The following CWC27 variants were observed in gnomAD, a reference collection of about 807,000 sequenced individuals.
The protein encoded by CWC27 is CWC27 spliceosome associated cyclophilin, also known as spliceosome-associated protein CWC27 homolog.
Under a neutral mutation model 63.6 loss-of-function variants are expected in CWC27, and 47 were observed. The observed-to-expected ratio is 0.74, with a 90% CI of 0.58 to 0.94. CWC27 has a LOEUF of 0.94. Among genes scored for constraint, CWC27 ranks in the 40% least tolerant of loss-of-function variants. The pLI, the probability that CWC27 is intolerant of heterozygous loss-of-function variation, is 0.00. For missense variants in CWC27, 495 were observed against 554.3 expected (o/e 0.89, Z 1.07); for synonymous variants, 175 against 179.8 (o/e 0.97, Z 0.22).
At chr5:65,001,180 C>A (rs1029504844) in intron 13 of CWC27, among the ~76,000 whole-genome samples, 1 of 151,972 alleles carries the variant, frequency 6.6e-6, no homozygotes, top group East Asian at 1.9e-4. Flanking sequence ...TTTTGTCCTG[C>A]AATTTTACTC....
chr5:64,963,542 A>G (rs1748957889), intron 11 of CWC27, among the ~76,000 whole-genome samples: 1 of 152,222 alleles, frequency 6.6e-6, no homozygotes, highest in Non-Finnish European at 1.5e-5. Flanking sequence ...CATACTGTAA[A>G]TAGAAGTACT....
intron 10 of CWC27, among the ~76,000 whole-genome samples, chr5:64,828,735 C>T (rs1326650120): frequency 2.6e-5 from 4 of 152,000 alleles, no homozygotes; most frequent in African/African-American, 9.7e-5. Context: ...TTATTGACAA[C>T]CTAGGTCATC....
intron 10 of CWC27, among the ~76,000 whole-genome samples, chr5:64,836,270 A>G (rs1360273449): frequency 6.6e-6 from 1 of 151,886 alleles, no homozygotes; most frequent in African/African-American, 2.4e-5. Flanking sequence ...GAGGTAACCT[A>G]ATGTTCATTT....
At chr5:64,954,936 T>C (rs1372877372) in intron 11 of CWC27, among the ~76,000 whole-genome samples, 1 of 152,024 alleles carries the variant, frequency 6.6e-6, no homozygotes, top group Non-Finnish European at 1.5e-5. Context: ...AACATCCAAA[T>C]TTATAGAAAA....
intron 11 of CWC27, among the ~76,000 whole-genome samples, chr5:64,937,770 G>A (rs757371681): frequency 6.6e-6 from 1 of 151,960 alleles, no homozygotes; most frequent in Non-Finnish European, 1.5e-5. Flanking sequence ...TACAAATCTG[G>A]GTGCTCCTGT....
In CWC27 at chr5:65,018,149, C is replaced by T; in HGVS notation, c.1257-10C>T. 1 of 1,579,458 alleles carries T rather than the reference C, an allele frequency of 6.3e-7. No individual in the cohort carries two copies. Among genetic ancestry groups the T allele is most frequent in the Non-Finnish European group, 8.6e-7 (1 of 1,168,858 alleles). ...CAAGAAATCACTGAACCATCTCTCT[C>T]CCTATTTAGGATGTCACATGTACTT... On this transcript the variant is annotated splice_polypyrimidine_tract_variant and intron_variant, in intron 13 of 13. Coordinates refer to ENST00000381070, the MANE Select transcript of CWC27 (RefSeq NM_005869.4).
In CWC27 at chr5:64,813,079, A is replaced by G. The variant is rs188995741; in HGVS notation, c.938+8693A>G. Among the ~76,000 whole-genome samples the G allele has an allele frequency of 4.1e-3, 629 of 152,274 alleles. 21 individuals are homozygous for G. Among genetic ancestry groups the G allele is most frequent in the Admixed American group, 0.039 (591 of 15,266 alleles). On this transcript the variant is annotated intron_variant, in intron 10 of 13. Coordinates refer to ENST00000381070, the MANE Select transcript of CWC27 (RefSeq NM_005869.4). ...TATTTAAAAGGAATAACACTTTAAC[A>G]TTATATTCAATTATTTAAATAATGT...
intron 11 of CWC27, among the ~76,000 whole-genome samples, chr5:64,927,008 G>A (rs191619411): frequency 1.6e-4 from 25 of 152,304 alleles, no homozygotes; most frequent in East Asian, 1.2e-3. Flanking sequence ...TTAATAGAAT[G>A]TGTATATATC....
At chr5:64,983,923 C>T (rs1039536775) in intron 13 of CWC27, among the ~76,000 whole-genome samples, 1 of 152,128 alleles carries the variant, frequency 6.6e-6, no homozygotes, top group African/African-American at 2.4e-5. Flanking sequence ...CTGTGCCTCC[C>T]CAGGTTCAAG....
chr5:64,965,440 A>G (rs1469683420), intron 11 of CWC27, among the ~76,000 whole-genome samples: 2 of 152,230 alleles, frequency 1.3e-5, no homozygotes, highest in Admixed American at 6.5e-5. Flanking sequence ...CAATTGAGGC[A>G]TAGACAACAT....
At chr5:64,990,906 T>A (rs552706971) in intron 13 of CWC27, among the ~76,000 whole-genome samples, 72 of 152,356 alleles carry the variant, frequency 4.7e-4, no homozygotes, top group African/African-American at 1.7e-3. Flanking sequence ...ATAGGTCAGA[T>A]TAACTCAGTT....
chr5:64,827,948 T>TTATCTTTA (rs1214173744), intron 10 of CWC27, among the ~76,000 whole-genome samples: 12 of 152,140 alleles, frequency 7.9e-5, no homozygotes, highest in African/African-American at 2.9e-4. Context: ...TATCCATGCT[T>TTATCTTTA]TATATGCTAG....
At chr5:64,804,554 C>G in intron 10 of CWC27, 168 bp downstream of exon 10, 3 of 577,176 alleles carry the variant, frequency 5.2e-6, no homozygotes, top group Non-Finnish European at 8.8e-6. Context: ...ATAAAATACA[C>G]CAAGCTTAAA....
chr5:65,018,031 A>G (rs753631391), intron 13 of CWC27, 128 bp from the exon 14 acceptor site: 13 of 787,316 alleles, frequency 1.7e-5, no homozygotes, highest in Middle Eastern at 2.7e-4. Flanking sequence ...TGTAAGCACC[A>G]GTAAACAACA....
At chr5:64,896,906 C>T (rs1747389572) in intron 11 of CWC27, among the ~76,000 whole-genome samples, 1 of 152,070 alleles carries the variant, frequency 6.6e-6, no homozygotes, top group Admixed American at 6.6e-5. Context: ...ATGTGAGAAA[C>T]ATCTTCAAAA....
At chr5:64,869,375 A>C (rs1293286047) in intron 10 of CWC27, among the ~76,000 whole-genome samples, 1 of 152,066 alleles carries the variant, frequency 6.6e-6, no homozygotes, top group African/African-American at 2.4e-5. Context: ...TGTTTTTATT[A>C]GGTGCAAGCA....
chr5:64,793,292 CA>C (rs1460786048), intron 7 of CWC27, among the ~76,000 whole-genome samples: 1 of 152,000 alleles, frequency 6.6e-6, no homozygotes, highest in South Asian at 2.1e-4. Context: ...ACTGCAGAAT[CA>C]AAAAAGTTAA....
intron 10 of CWC27, among the ~76,000 whole-genome samples, chr5:64,832,134 T>A (rs1442794852): frequency 3.3e-5 from 5 of 151,912 alleles, no homozygotes; most frequent in Admixed American, 2.0e-4. Context: ...ATCCATTGGT[T>A]TATTTTGCAC....
chr5:64,834,006 G>C (rs992218471), intron 10 of CWC27, among the ~76,000 whole-genome samples: 1 of 151,148 alleles, frequency 6.6e-6, no homozygotes, highest in Non-Finnish European at 1.5e-5. Context: ...AAAATAATAT[G>C]TATAGTATCA....
Sources: allele counts gnomAD v4.1 joint callset (sites outside exome capture counted in the v4.1 genomes callset), GRCh38; gene constraint gnomAD v4.1.1; transcripts MANE v1.5; gene names NCBI Gene and HGNC (gene_info 2026-07-23, HGNC 2026-07-21).